TNKS: variants seen among roughly 807,000 people sequenced by gnomAD.
TNKS encodes poly [ADP-ribose] polymerase tankyrase-1.
A neutral mutation model predicts 135.8 loss-of-function variants in TNKS; 72 were observed. That is an observed-to-expected ratio of 0.53 (90% CI 0.44 to 0.64). The LOEUF is 0.64. Among genes scored for constraint, TNKS ranks in the 30% least tolerant of loss-of-function variants. TNKS has a pLI of 0.00. For synonymous variants in TNKS, 849 were observed against 649.3 expected (o/e 1.31, Z -4.68); for missense variants, 1,769 against 1,674.0 (o/e 1.06, Z -0.99).
At chr8:9,728,985 T>C (rs1201020175) in intron 13 of TNKS, among the ~76,000 whole-genome samples, 1 of 152,230 alleles carries the variant, frequency 6.6e-6, no homozygotes, top group Non-Finnish European at 1.5e-5. Context: ...TAGAAATTTA[T>C]TTCTCTCAGT....
intron 5 of TNKS, chr8:9,681,008 C>G (rs1585320750): frequency 2.5e-6 from 1 of 403,840 alleles, no homozygotes; most frequent in East Asian, 3.7e-5. Flanking sequence ...AGCCTTTTCT[C>G]TTAAATGTCA....
intron 3 of TNKS, among the ~76,000 whole-genome samples, chr8:9,668,086 A>G (rs1802085887): frequency 6.6e-6 from 1 of 152,216 alleles, no homozygotes; most frequent in South Asian, 2.1e-4. Context: ...GCTGTTGCTG[A>G]TGAAAGTAAT....
At chr8:9,634,089 A>G (rs922042914) in intron 3 of TNKS, among the ~76,000 whole-genome samples, 122 of 148,848 alleles carry the variant, frequency 8.2e-4, no homozygotes, top group African/African-American at 2.8e-3. Flanking sequence ...GCATATATAT[A>G]TATATATATA....
intron 3 of TNKS, among the ~76,000 whole-genome samples, chr8:9,647,842 C>A (rs1800973893): frequency 6.6e-6 from 1 of 152,152 alleles, no homozygotes. Context: ...GTGTGAACAT[C>A]ATAGAATATA....
Position 9,731,269 on chromosome 8 carries a change from G to A in TNKS, c.2147+234G>A, listed in dbSNP as rs373553937. Reference sequence around the variant, plus strand: ...GAGATCAGGAGTTTGAGACCAGCCTGACCAACATGGGTGAAACTCTGTCTC... The same window carrying A: ...GAGATCAGGAGTTTGAGACCAGCCTAACCAACATGGGTGAAACTCTGTCTC... On this transcript the variant is annotated intron_variant, in intron 14 of 26. Coordinates refer to ENST00000310430, the MANE Select transcript of TNKS (RefSeq NM_003747.3). Among the ~76,000 whole-genome samples the A allele has an allele frequency of 5.9e-5, 9 of 152,214 alleles. No individual in the cohort carries two copies. The East Asian group carries it at 1.5e-3, about 26-fold the overall frequency.
In TNKS at chr8:9,751,761, C is replaced by A. The variant is rs757166385; in HGVS notation, c.2985C>A (p.Leu995=). 2 of 1,614,214 alleles carry A rather than the reference C, an allele frequency of 1.2e-6. No individual in the cohort carries two copies. Among genetic ancestry groups the A allele is most frequent in the South Asian group, 1.1e-5 (1 of 91,088 alleles). ...CLSAASSIDN[L]TGPLAELAVG... ...CGGCTGCCAGCAGCATAGACAACCT[C>A]ACTGGCCCTTTAGCAGAGTTGGCCG... The change falls in exon 19 of 27, where the codon CTC becomes CTA. Residue 995 remains leucine (L), a synonymous_variant. Transcript: ENST00000310430.
At chr8:9,730,164 G>C (rs11785923) in intron 13 of TNKS, among the ~76,000 whole-genome samples, 89,424 of 151,814 alleles carry the variant, frequency 0.59, 26,652 homozygotes, top group Middle Eastern at 0.7. Flanking sequence ...TCCTTCCATG[G>C]CATCCTGCTG....
intron 11 of TNKS, among the ~76,000 whole-genome samples, chr8:9,714,439 T>G (rs886183141): frequency 6.6e-6 from 1 of 152,160 alleles, no homozygotes; most frequent in African/African-American, 2.4e-5. Context: ...TTTCCCACAT[T>G]TGTCTTTTCA....
intron 3 of TNKS, among the ~76,000 whole-genome samples, chr8:9,640,328 A>G (rs949345170): frequency 6.6e-6 from 1 of 151,760 alleles, no homozygotes; most frequent in East Asian, 1.9e-4. Flanking sequence ...TAATCCATTC[A>G]TGAGAGCGGA....
At chr8:9,668,581 G>A (rs1437910820) in intron 3 of TNKS, among the ~76,000 whole-genome samples, 1 of 152,218 alleles carries the variant, frequency 6.6e-6, no homozygotes, top group East Asian at 1.9e-4. Context: ...AAACTGTAGT[G>A]TCAAAGCTAG....
rs188832103 is a variant in TNKS at position 9,638,501 on chromosome 8, C to A, written c.994+22824C>A. On this transcript the variant is annotated intron_variant, in intron 3 of 26. Transcript: ENST00000310430. ...ATATATACCTACATGTGTATACATA[C>A]ATTTTACCTACTTTTTTTCTAGATC... Among the ~76,000 whole-genome samples, 5 of 152,298 alleles carry A rather than the reference C, an allele frequency of 3.3e-5. No homozygotes were observed. The South Asian group carries it at 8.3e-4, about 25-fold the overall frequency.
At chr8:9,746,925 C>T (rs1202715566) in intron 17 of TNKS, among the ~76,000 whole-genome samples, 1 of 132,056 alleles carries the variant, frequency 7.6e-6, no homozygotes, top group Non-Finnish European at 1.5e-5. Context: ...CTCTGGTAAC[C>T]AGGCTGCGGT....
chr8:9,571,859 C>T (rs926054264), intron 1 of TNKS, among the ~76,000 whole-genome samples: 2 of 152,134 alleles, frequency 1.3e-5, no homozygotes, highest in Admixed American at 6.6e-5. Context: ...AGTTTCTCAC[C>T]TCTTGATTTA....
At chr8:9,656,817 C>T (rs4351421) in intron 3 of TNKS, among the ~76,000 whole-genome samples, 112,576 of 138,444 alleles carry the variant, frequency 0.81, 46,017 homozygotes, top group Middle Eastern at 0.88. Flanking sequence ...GGAGTGGTGA[C>T]GACTCTTAAC....
chr8:9,668,004 G>T (rs1003716924), intron 3 of TNKS, among the ~76,000 whole-genome samples: 27 of 152,224 alleles, frequency 1.8e-4, no homozygotes, highest in African/African-American at 6.5e-4. Context: ...AAGTGATGGA[G>T]TTTAGAGCTA....
chr8:9,579,433 T>C (rs1798084921), intron 1 of TNKS, among the ~76,000 whole-genome samples: 2 of 152,220 alleles, frequency 1.3e-5, no homozygotes, highest in Admixed American at 1.3e-4. Context: ...GTGATTTGTC[T>C]TAGATTCGGT....
At chr8:9,559,758 C>T (rs1005316244) in intron 1 of TNKS, among the ~76,000 whole-genome samples, 1 of 152,124 alleles carries the variant, frequency 6.6e-6, no homozygotes, top group African/African-American at 2.4e-5. Flanking sequence ...ATATTTAAAT[C>T]CTTATCACTT....
rs543170749 is a variant in TNKS, at chr8:9,780,992, C to G, written c.*4256C>G. ...TTGTAGAATATGAGTGATATGCAAG[C>G]TGTGTTTTTTAATTGTTTTAAAATG... On this transcript the variant is annotated 3_prime_UTR_variant, in exon 27 of 27. Coordinates refer to ENST00000310430, the MANE Select transcript of TNKS (RefSeq NM_003747.3). 6.6e-6 allele frequency: 1 copy of G among 152,118 alleles called. No individual in the cohort carries two copies. The highest frequency in any genetic ancestry group is 2.4e-5 in the African/African-American group (1 of 41,392). 9.4% of individuals were successfully genotyped at this position (152,118 alleles called of 1,614,324 possible).
rs1304172696 is a variant in TNKS at position 9,763,225 on chromosome 8, A to G, written c.3353A>G (p.Tyr1118Cys). The G allele has an allele frequency of 6.2e-7, 1 of 1,608,106 alleles. No individual in the cohort carries two copies. Among genetic ancestry groups the G allele is most frequent in the East Asian group, 2.2e-5 (1 of 44,816 alleles). ...LLDLAPEDKE[Y>C]QSVEEEMQST... ...GATCTTGCTCCAGAAGATAAAGAATATCAGTCAGTGGAAGAAGAGGTAATA... is the reference window on the plus strand; with the variant it reads ...GATCTTGCTCCAGAAGATAAAGAATGTCAGTCAGTGGAAGAAGAGGTAATA... Residue 1118 changes from tyrosine to cysteine, a missense_variant, in exon 22 of 27, where the codon TAT (tyrosine) becomes TGT (cysteine). Transcript: ENST00000310430.
Sources: allele counts gnomAD v4.1 joint callset (sites outside exome capture counted in the v4.1 genomes callset), GRCh38; gene constraint gnomAD v4.1.1; transcripts MANE v1.5; gene names NCBI Gene and HGNC (gene_info 2026-07-23, HGNC 2026-07-21).